The following SV2C variants were observed in gnomAD, a reference collection of about 807,000 sequenced individuals.
SV2C encodes the protein solute carrier family 22 member B3.
Under a neutral mutation model 79.7 loss-of-function variants are expected in SV2C, and 49 were observed. The observed-to-expected ratio is 0.61, with a 90% confidence interval of 0.49 to 0.78. SV2C has a LOEUF of 0.78. Ranked by LOEUF, SV2C falls within the 30% of genes least tolerant of loss-of-function variation. The pLI, the probability that SV2C is intolerant of heterozygous loss-of-function variation, is 0.00. For synonymous variants in SV2C, 334 were observed against 333.2 expected, an observed-to-expected ratio of 1.00 and a Z score of -0.03; for missense variants, 833 against 912.9, an observed-to-expected ratio of 0.91 and a Z score of 1.13.
chr5:76,338,908 C>T (rs1260861465), downstream of SV2C, among the ~76,000 whole-genome samples: 5 of 152,002 alleles, frequency 3.3e-5, no homozygotes, highest in African/African-American at 4.8e-5. Flanking sequence ...CCAACCGCCT[C>T]GGCCTCCCAA....
At chr5:76,196,750 T>C (rs187486113) in intron 3 of SV2C, among the ~76,000 whole-genome samples, 1 of 152,218 alleles carries the variant, frequency 6.6e-6, no homozygotes, top group Non-Finnish European at 1.5e-5. Context: ...GCAATCTTTT[T>C]TGGGAAATTG....
chr5:76,029,437 C>T, the SV2C span, among the ~76,000 whole-genome samples: 1 of 152,068 alleles, frequency 6.6e-6, no homozygotes, highest in Non-Finnish European at 1.5e-5. Flanking sequence ...ATTCTCAATC[C>T]CACTCCCAGA....
chr5:76,247,641 G>T (rs78706286), intron 4 of SV2C, among the ~76,000 whole-genome samples: 7,256 of 152,286 alleles, frequency 0.048, 580 homozygotes, highest in African/African-American at 0.16. Flanking sequence ...CAAGGGGAGG[G>T]TAATACAACA....
the SV2C span, among the ~76,000 whole-genome samples, chr5:75,902,862 G>A: frequency 6.6e-6 from 1 of 152,208 alleles, no homozygotes; most frequent in Admixed American, 6.5e-5. Flanking sequence ...GTATTGGGAA[G>A]CAAGTCTATT....
At chr5:76,010,056 G>T in the SV2C span, among the ~76,000 whole-genome samples, 1 of 137,350 alleles carries the variant, frequency 7.3e-6, no homozygotes. Context: ...CCTAGGCAGG[G>T]ATTTGTTTTG....
At chr5:76,028,734 G>A in the SV2C span, among the ~76,000 whole-genome samples, 1 of 152,180 alleles carries the variant, frequency 6.6e-6, no homozygotes, top group Admixed American at 6.5e-5. Flanking sequence ...ACTTTAGGAT[G>A]GATAATTTTT....
the SV2C span, among the ~76,000 whole-genome samples, chr5:76,039,950 C>T: frequency 2.6e-5 from 4 of 152,048 alleles, no homozygotes; most frequent in African/African-American, 9.7e-5. Context: ...CATTGTCTAA[C>T]TCATTACCAC....
the SV2C span, among the ~76,000 whole-genome samples, chr5:75,967,861 G>T: frequency 6.6e-6 from 1 of 152,216 alleles, no homozygotes; most frequent in South Asian, 2.1e-4. Flanking sequence ...CTGAGAATGG[G>T]CAGACTGCCT....
intron 3 of SV2C, 108 bp downstream of exon 3, chr5:76,195,207 T>C: frequency 8.8e-7 from 1 of 1,133,256 alleles, no homozygotes. Flanking sequence ...TCTCCTTCCA[T>C]ATCCTCATGT....
chr5:76,263,048 A>G (rs761874056), intron 4 of SV2C, among the ~76,000 whole-genome samples: 4 of 152,114 alleles, frequency 2.6e-5, no homozygotes, highest in Non-Finnish European at 4.4e-5. Flanking sequence ...GTCTTCCACT[A>G]TTATTGTGTG....
chr5:75,863,822 T>C, the SV2C span, among the ~76,000 whole-genome samples: 1 of 152,250 alleles, frequency 6.6e-6, no homozygotes, highest in Non-Finnish European at 1.5e-5. Context: ...CCTGCTGTTT[T>C]CCATAGCCCC....
chr5:76,150,909 G>T (rs981280278), intron 2 of SV2C, among the ~76,000 whole-genome samples: 6 of 152,080 alleles, frequency 3.9e-5, no homozygotes, highest in Non-Finnish European at 8.8e-5. Flanking sequence ...CAAAGTGTTG[G>T]CATTACAGGC....
chr5:76,292,609 C>A (rs773571586), intron 8 of SV2C, among the ~76,000 whole-genome samples: 2 of 152,126 alleles, frequency 1.3e-5, no homozygotes, highest in Admixed American at 1.3e-4. Context: ...CTGTTACTAG[C>A]CACTGCCCTC....
chr5:76,300,609 C>A, intron 10 of SV2C, 120 bp from the exon 11 acceptor site: 1 of 1,009,404 alleles, frequency 9.9e-7, no homozygotes, highest in African/African-American at 1.6e-5. Context: ...CTAGCATAGG[C>A]CTGAAAGCCC....
chr5:75,895,066 A>G, the SV2C span, among the ~76,000 whole-genome samples: 1 of 152,158 alleles, frequency 6.6e-6, no homozygotes, highest in Non-Finnish European at 1.5e-5. Flanking sequence ...TACCAAGCAG[A>G]TACTTCAGCA....
chr5:76,188,562 C>T (rs752699977), intron 2 of SV2C, among the ~76,000 whole-genome samples: 21 of 152,154 alleles, frequency 1.4e-4, no homozygotes, highest in Admixed American at 6.5e-5. Flanking sequence ...ACTAAGCATA[C>T]TGCATTTGAT....
the SV2C span, among the ~76,000 whole-genome samples, chr5:76,078,258 C>T: frequency 6.6e-6 from 1 of 152,106 alleles, no homozygotes; most frequent in African/African-American, 2.4e-5. Flanking sequence ...TGTGGGAGAG[C>T]AGCCTCTTAG....
At chr5:75,892,883 A>G in the SV2C span, among the ~76,000 whole-genome samples, 1 of 152,126 alleles carries the variant, frequency 6.6e-6, no homozygotes, top group Non-Finnish European at 1.5e-5. Context: ...TGTGATGAAC[A>G]TATGAGTGCA....
chr5:76,241,182 C>CTTTTTT (rs60557642), intron 4 of SV2C, among the ~76,000 whole-genome samples: 1 of 137,066 alleles, frequency 7.3e-6, no homozygotes, highest in Non-Finnish European at 1.6e-5. Flanking sequence ...GTCTCAATCT[C>CTTTTTT]TTTTTTTTTT....
Sources: allele counts gnomAD v4.1 joint callset (sites outside exome capture counted in the v4.1 genomes callset), GRCh38; gene constraint gnomAD v4.1.1; transcripts MANE v1.5; gene names NCBI Gene and HGNC (gene_info 2026-07-23, HGNC 2026-07-21).